TAB2: variants seen among roughly 807,000 people sequenced by gnomAD.
TAB2 encodes TGF-beta-activated kinase 1 and MAP3K7-binding protein 2.
TAB2 carries 3 observed loss-of-function variants against 65.0 expected under a neutral mutation model. The observed-to-expected ratio is 0.05, with a 90% CI of 0.02 to 0.12. The LOEUF (loss-of-function observed/expected upper bound fraction) is 0.12, where lower values mean the gene tolerates loss of function less well. TAB2 is among the 10% of genes least tolerant of loss of function. The probability of loss-of-function intolerance (pLI) is 1.00; values close to 1 mark genes in which losing one functional copy is unlikely to be tolerated. For missense variants in TAB2, 623 were observed against 840.3 expected (o/e 0.74, Z 3.20); for synonymous variants, 298 against 285.1 (o/e 1.05, Z -0.46).
intron 1 of TAB2, among the ~76,000 whole-genome samples, chr6:149,238,986 G>A (rs905540942): frequency 4.6e-5 from 7 of 152,166 alleles, no homozygotes; most frequent in Admixed American, 1.3e-4. Flanking sequence ...ATATTCTGAT[G>A]ACCAGTTTAG....
intron 1 of TAB2, among the ~76,000 whole-genome samples, chr6:149,266,674 G>T (rs1001965): frequency 6.6e-6 from 1 of 151,998 alleles, no homozygotes; most frequent in East Asian, 1.9e-4. Flanking sequence ...AAATTGGTTC[G>T]TGAACCTAGC....
intron 1 of TAB2, chr6:149,346,448 C>CTTTTTTT (rs11399281): frequency 8.8e-6 from 1 of 113,408 alleles, no homozygotes. Context: ...GTTGGTGAAA[C>CTTTTTTT]TTTTTTTTTT....
At chr6:149,308,989 C>G (rs1431174201) in intron 1 of TAB2, among the ~76,000 whole-genome samples, 3 of 150,084 alleles carry the variant, frequency 2.0e-5, no homozygotes, top group African/African-American at 7.4e-5. Flanking sequence ...TAGCCAGCCT[C>G]TAGTGTAATG....
chr6:149,242,677 C>A (rs1486989461), intron 1 of TAB2, among the ~76,000 whole-genome samples: 1 of 152,146 alleles, frequency 6.6e-6, no homozygotes, highest in Non-Finnish European at 1.5e-5. Context: ...TTGTTGGCAG[C>A]CCCAAAGTCT....
At chr6:149,306,557 C>CAAAAA (rs58001933) in intron 1 of TAB2, among the ~76,000 whole-genome samples, 2 of 108,610 alleles carry the variant, frequency 1.8e-5, no homozygotes, top group African/African-American at 3.1e-5. Flanking sequence ...GACTCCGTCT[C>CAAAAA]AAAAAAAAAA....
rs560181153 is a variant in TAB2 at position 149,372,016 on chromosome 6, A to G, written c.102+1917A>G. On this transcript the variant is annotated intron_variant, in intron 2 of 6. Coordinates refer to ENST00000637181, the MANE Select transcript of TAB2 (RefSeq NM_001292034.3). ...CTATGCTGTTCAGTAGGTTATTAAA[A>G]AACTAACAGAAAGATACTGTAAGTT... Among the ~76,000 whole-genome samples, 9 of 152,316 alleles carry G rather than the reference A, an allele frequency of 5.9e-5. No individual in the cohort carries two copies. The South Asian group carries it at 1.9e-3, about 32-fold the overall frequency.
At chr6:149,318,467 G>C (rs897817566) in intron 1 of TAB2, 1 of 151,838 alleles carries the variant, frequency 6.6e-6, no homozygotes, top group Non-Finnish European at 1.5e-5. Context: ...ACTCAGGGGC[G>C]GGGGTTTTGG....
At chr6:149,236,236 A>T (rs1777492009) in intron 1 of TAB2, among the ~76,000 whole-genome samples, 1 of 152,172 alleles carries the variant, frequency 6.6e-6, no homozygotes, top group Non-Finnish European at 1.5e-5. Context: ...AATATATAAA[A>T]ATAAAATAAA....
chr6:149,400,602 G>A, intron 6 of TAB2: 4 of 1,614,230 alleles, frequency 2.5e-6, no homozygotes, highest in Non-Finnish European at 3.4e-6. Flanking sequence ...CAGTGGAACA[G>A]ACAAACCTGC....
intron 1 of TAB2, among the ~76,000 whole-genome samples, chr6:149,219,258 C>T (rs1020567107): frequency 1.3e-5 from 2 of 151,832 alleles, no homozygotes; most frequent in Non-Finnish European, 2.9e-5. Context: ...GTGCCAAATC[C>T]GCTTCCAGGG....
chr6:149,337,466 T>A (rs914638635), intron 1 of TAB2, among the ~76,000 whole-genome samples: 2 of 152,202 alleles, frequency 1.3e-5, no homozygotes, highest in Admixed American at 6.5e-5. Flanking sequence ...TGAGGGGTTT[T>A]AGCTGAAGTG....
At chr6:149,341,275 C>T (rs1278336440) in intron 1 of TAB2, among the ~76,000 whole-genome samples, 2 of 152,064 alleles carry the variant, frequency 1.3e-5, no homozygotes, top group African/African-American at 4.8e-5. Flanking sequence ...TGACCTCTCT[C>T]ATATACTCAA....
chr6:149,265,877 A>T (rs921740811), intron 1 of TAB2, among the ~76,000 whole-genome samples: 1 of 152,130 alleles, frequency 6.6e-6, no homozygotes, highest in Non-Finnish European at 1.5e-5. Context: ...TTCTCCAGCC[A>T]ACTGGGAGGT....
At chr6:149,389,998 T>A (rs1360422405) in intron 3 of TAB2, among the ~76,000 whole-genome samples, 2 of 152,236 alleles carry the variant, frequency 1.3e-5, no homozygotes, top group African/African-American at 4.8e-5. Context: ...TGGGCCCAAT[T>A]GCAGCACTGT....
At chr6:149,399,606 A>G (rs1327129761) in intron 6 of TAB2, among the ~76,000 whole-genome samples, 2 of 151,444 alleles carry the variant, frequency 1.3e-5, no homozygotes, top group Non-Finnish European at 2.9e-5. Flanking sequence ...CCAGGTGAAT[A>G]GTTTTCTACC....
chr6:149,355,145 T>G (rs1780615766), intron 1 of TAB2, among the ~76,000 whole-genome samples: 1 of 152,138 alleles, frequency 6.6e-6, no homozygotes, highest in Admixed American at 6.5e-5. Flanking sequence ...CCCCTATACT[T>G]TTTTGTTTGG....
intron 1 of TAB2, among the ~76,000 whole-genome samples, chr6:149,286,495 C>T (rs1042618397): frequency 1.3e-5 from 2 of 152,134 alleles, no homozygotes; most frequent in African/African-American, 4.8e-5. Context: ...TCCACAGGTG[C>T]GAACTGGTTC....
chr6:149,321,795 ATGTT>A (rs1459286425), intron 1 of TAB2, among the ~76,000 whole-genome samples: 2 of 152,188 alleles, frequency 1.3e-5, no homozygotes, highest in Non-Finnish European at 2.9e-5. Context: ...AAAATTGTGT[ATGTT>A]ATATGAATAA....
At chr6:149,276,964 T>C (rs1778488082) in intron 1 of TAB2, among the ~76,000 whole-genome samples, 1 of 152,180 alleles carries the variant, frequency 6.6e-6, no homozygotes. Context: ...CCCCATACTG[T>C]TCTCTTCATA....
Sources: gnomAD v4.1 joint callset for allele counts (sites outside exome capture counted in the v4.1 genomes callset) on GRCh38, gnomAD v4.1.1 for gene constraint, MANE v1.5 for transcripts, NCBI Gene and HGNC (gene_info 2026-07-23, HGNC 2026-07-21) for gene names.